Variants in WASHC2C observed in about 807,000 individuals in gnomAD.
WASHC2C encodes the protein Vaccinia Penetration Factor.
A neutral mutation model predicts 142.2 loss-of-function variants in WASHC2C; 73 were observed. The ratio of observed to expected loss-of-function variants is 0.51; its 90% confidence interval spans 0.43 to 0.62. WASHC2C has a LOEUF of 0.62. Among genes scored for constraint, WASHC2C ranks in the 20% least tolerant of loss-of-function variants. The pLI, the probability that WASHC2C is intolerant of heterozygous loss-of-function variation, is 0.00. For missense variants in WASHC2C, 969 were observed against 1,531.7 expected, an observed-to-expected ratio of 0.63 and a Z score of 6.13; for synonymous variants, 337 against 565.5, an observed-to-expected ratio of 0.60 and a Z score of 5.73.
chr10:45,791,002 C>T (rs1285752424), intron 30 of WASHC2C, among the ~76,000 whole-genome samples: 1 of 152,088 alleles, frequency 6.6e-6, no homozygotes, highest in African/African-American at 2.4e-5. Context: ...TCAGGCGTTG[C>T]ATTTCACTGA....
In WASHC2C at chr10:45,780,437, A is replaced by G. The variant is rs2057406632; in HGVS notation, c.2478+1302A>G. ...AGACTGCATGCTTTTCAACCCTAAC[A>G]TCATGAACAACACAACAATGTCCAC... On this transcript the variant is annotated intron_variant, in intron 23 of 30. Coordinates refer to ENST00000623400, the MANE Select transcript of WASHC2C (RefSeq NM_001330074.2). Among the ~76,000 whole-genome samples, 3 of 152,012 alleles carry G rather than the reference A, an allele frequency of 2.0e-5. No individual in the cohort carries two copies. In the South Asian group the frequency reaches 6.3e-4, roughly 32 times the overall value.
chr10:45,756,709 C>G (rs1407855242), intron 15 of WASHC2C, among the ~76,000 whole-genome samples: 1 of 152,210 alleles, frequency 6.6e-6, no homozygotes, highest in African/African-American at 2.4e-5. Flanking sequence ...CTTTCTTCCT[C>G]TAGATCTCTC....
chr10:45,745,441 G>T (rs1289062825), intron 7 of WASHC2C, among the ~76,000 whole-genome samples: 1 of 151,830 alleles, frequency 6.6e-6, no homozygotes, highest in Non-Finnish European at 1.5e-5. Context: ...TGGGATATTC[G>T]TTATTGGAAA....
intron 29 of WASHC2C, 94 bp downstream of exon 29, chr10:45,789,585 G>C: frequency 7.1e-6 from 11 of 1,548,594 alleles, no homozygotes; most frequent in Non-Finnish European, 9.7e-6. Context: ...AGCTTGTTGC[G>C]TGCATACCCC....
chr10:45,737,768 ATTT>A (rs782072881), intron 3 of WASHC2C, among the ~76,000 whole-genome samples: 10 of 135,692 alleles, frequency 7.4e-5, no homozygotes, highest in Admixed American at 7.5e-5. Flanking sequence ...TTGTATTTAA[ATTT>A]TTTTTTTTTT....
At chr10:45,736,469 GCAC>G (rs2051290622) in intron 3 of WASHC2C, among the ~76,000 whole-genome samples, 2 of 147,834 alleles carry the variant, frequency 1.4e-5, no homozygotes, top group South Asian at 2.1e-4. Context: ...GTGTGGTGGT[GCAC>G]GCCTGTAATC....
chr10:45,757,847 A>G (rs1436245560), intron 16 of WASHC2C, among the ~76,000 whole-genome samples: 1 of 152,264 alleles, frequency 6.6e-6, no homozygotes, highest in African/African-American at 2.4e-5. Flanking sequence ...TTAGGCAGTA[A>G]TGCTTGCTGC....
At chr10:45,735,688 A>G (rs1269886818) in intron 3 of WASHC2C, among the ~76,000 whole-genome samples, 1 of 152,230 alleles carries the variant, frequency 6.6e-6, no homozygotes, top group African/African-American at 2.4e-5. Context: ...GTTTGCGTTT[A>G]TGATAATTTT....
chr10:45,786,810 G>C, intron 27 of WASHC2C, 136 bp downstream of exon 27: 3 of 1,539,782 alleles, frequency 1.9e-6, no homozygotes, highest in Non-Finnish European at 2.7e-6. Context: ...CCTAGTTGTT[G>C]TCTCCTGTGT....
chr10:45,772,893 A>G (rs1163731752), intron 20 of WASHC2C, among the ~76,000 whole-genome samples: 1 of 152,154 alleles, frequency 6.6e-6, no homozygotes, highest in Non-Finnish European at 1.5e-5. Context: ...CAATTCTGGA[A>G]ATAGGCACGT....
chr10:45,749,857 T>TATTTATATTTATA (rs2053367253), intron 8 of WASHC2C, among the ~76,000 whole-genome samples: 2 of 88,808 alleles, frequency 2.3e-5, no homozygotes, highest in African/African-American at 8.8e-5. Context: ...ATATATATAT[T>TATTTATATTTATA]TATATATATA....
chr10:45,784,122 TTC>T (rs1589932169), intron 23 of WASHC2C, among the ~76,000 whole-genome samples: 1 of 151,652 alleles, frequency 6.6e-6, no homozygotes, highest in Non-Finnish European at 1.5e-5. Context: ...TTCAAAATGT[TTC>T]TCATTATGGA....
chr10:45,747,937 G>T (rs1426155512), intron 8 of WASHC2C, among the ~76,000 whole-genome samples: 2 of 136,436 alleles, frequency 1.5e-5, no homozygotes, highest in African/African-American at 5.7e-5. Flanking sequence ...TCTTCAGAAT[G>T]AGGTGGTATA....
In WASHC2C at chr10:45,755,103, C is replaced by T. The variant is rs781890067; in HGVS notation, c.1408C>T (p.Pro470Ser). ...CTTTTTCTCGGCACCCCACAGCAAA[C>T]CTTCTAAAACACGTATGTGTTCCTG... is the stretch of plus-strand genomic sequence containing the variant. Reference protein sequence around the residue: ...DDFFSAPHSKPSKTRKVQSTA... With the variant: ...DDFFSAPHSKSSKTRKVQSTA... Residue 470 changes from proline to serine, a missense_variant, in exon 15 of 31, where the codon CCT (proline) becomes TCT (serine). By Grantham distance (74) the Pro-to-Ser change is moderately conservative. Transcript: ENST00000623400. 2 of 1,608,616 alleles carry T rather than the reference C, an allele frequency of 1.2e-6. No homozygotes were observed. The highest frequency in any genetic ancestry group is 1.7e-6 in the Non-Finnish European group (2 of 1,178,344).
intron 18 of WASHC2C, among the ~76,000 whole-genome samples, chr10:45,763,712 CTTT>C (rs4042575): frequency 1.4e-5 from 2 of 141,748 alleles, no homozygotes; most frequent in East Asian, 2.0e-4. Flanking sequence ...TGACGCAGTT[CTTT>C]TTTTTTTTTT....
chr10:45,732,251 C>A (rs2050698210), intron 3 of WASHC2C, among the ~76,000 whole-genome samples: 1 of 152,170 alleles, frequency 6.6e-6, no homozygotes. Context: ...GCCTCAGGGG[C>A]AGCCACAAAG....
At chr10:45,750,861 G>A (rs1381529620) in intron 10 of WASHC2C, 23 bp downstream of exon 10, 38 of 1,546,702 alleles carry the variant, frequency 2.5e-5, no homozygotes, top group Non-Finnish European at 3.3e-5. Flanking sequence ...CACGTTGATG[G>A]GGAGTAGGGG....
chr10:45,734,264 T>A (rs1332419478), intron 3 of WASHC2C, among the ~76,000 whole-genome samples: 1 of 151,696 alleles, frequency 6.6e-6, no homozygotes, highest in Non-Finnish European at 1.5e-5. Flanking sequence ...TAATTGAACC[T>A]ACAAAAAATC....
At chr10:45,791,540 G>A (rs1206275584) in intron 30 of WASHC2C, among the ~76,000 whole-genome samples, 2 of 144,138 alleles carry the variant, frequency 1.4e-5, no homozygotes, top group South Asian at 2.2e-4. Flanking sequence ...ATGTCAGTAC[G>A]CAGAGATCTC....
Sources: allele counts gnomAD v4.1 joint callset (sites outside exome capture counted in the v4.1 genomes callset), GRCh38; gene constraint gnomAD v4.1.1; transcripts MANE v1.5; gene names NCBI Gene and HGNC (gene_info 2026-07-23, HGNC 2026-07-21).